MAF: variants seen among roughly 807,000 people sequenced by gnomAD.
MAF encodes transcription factor Maf.
MAF carries 10 observed loss-of-function variants against 22.0 expected under a neutral mutation model. The observed-to-expected ratio is 0.45, with a 90% CI of 0.28 to 0.77. The LOEUF (loss-of-function observed/expected upper bound fraction) is 0.77. MAF is among the 30% of genes least tolerant of loss of function. The pLI is 0.12. For missense variants in MAF, 544 were observed against 548.4 expected (o/e 0.99, Z 0.08); for synonymous variants, 337 against 255.8 (o/e 1.32, Z -3.03).
Position 79,599,502 on chromosome 16 carries a change from C to A in MAF, c.401G>T (p.Gly134Val). 1.3e-6 allele frequency: 2 copies of A among 1,509,270 alleles called. No individual in the cohort carries two copies. The highest frequency in any genetic ancestry group is 1.8e-6 in the Non-Finnish European group (2 of 1,131,926). 93.5% of individuals were successfully genotyped at this position (1,509,270 alleles called of 1,614,324 possible). ...LQGGFDGYAR[G>V]AQQLAAAAGA... ...GGCCGCCGCGGCCAGCTGCTGCGCC[C>A]CGCGCGCGTAGCCATCGAAGCCGCC... Residue 134 changes from glycine (G) to valine (V), a missense_variant, in exon 1 of 2, where the codon GGG becomes GTG. Physicochemically the swap from Gly to Val is moderately radical, Grantham distance 109. Coordinates refer to ENST00000326043, the MANE Select transcript of MAF (RefSeq NM_005360.5).
At chr16:79,598,264 T>TAA (rs35383470) in intron 1 of MAF, 596 of 947,326 alleles carry the variant, frequency 6.3e-4, no homozygotes, top group East Asian at 5.2e-3. Flanking sequence ...AAAGTAAAAT[T>TAA]AAAAAAAAAA....
intron 1 of MAF, chr16:79,598,048 C>CT: frequency 1.9e-6 from 2 of 1,030,640 alleles, no homozygotes; most frequent in Non-Finnish European, 1.2e-6. Context: ...CATAACAATG[C>CT]TAAAAAAAAA....
chr16:79,211,899 G>T, the MAF span: 10 of 1,560,028 alleles, frequency 6.4e-6, no homozygotes, highest in South Asian at 2.3e-5. Flanking sequence ...ACACAGATCC[G>T]CAAGAGTAAA....
At chr16:79,354,551 G>C in the MAF span, among the ~76,000 whole-genome samples, 2 of 152,152 alleles carry the variant, frequency 1.3e-5, no homozygotes, top group African/African-American at 2.4e-5. Context: ...AGACTCAAGA[G>C]AGAAGTAGAG....
chr16:79,554,083 C>T, the MAF span, among the ~76,000 whole-genome samples: 1 of 148,672 alleles, frequency 6.7e-6, no homozygotes, highest in Non-Finnish European at 1.5e-5. Context: ...AGTAAGACTG[C>T]CTCTCAAAAA....
chr16:79,399,926 T>G, the MAF span, among the ~76,000 whole-genome samples: 1 of 152,218 alleles, frequency 6.6e-6, no homozygotes, highest in Non-Finnish European at 1.5e-5. Flanking sequence ...GAAGCTCACG[T>G]GGGTTAGTAC....
the MAF span, among the ~76,000 whole-genome samples, chr16:79,520,872 C>T: frequency 6.6e-6 from 1 of 152,084 alleles, no homozygotes; most frequent in Non-Finnish European, 1.5e-5. Flanking sequence ...TGCCTGGGAC[C>T]CTGCTAAGTG....
chr16:79,414,630 A>T, the MAF span, among the ~76,000 whole-genome samples: 2 of 152,206 alleles, frequency 1.3e-5, no homozygotes, highest in African/African-American at 2.4e-5. Flanking sequence ...ACAGACACGG[A>T]CTAGTGCTCA....
chr16:79,314,517 C>T, the MAF span, among the ~76,000 whole-genome samples: 1 of 152,124 alleles, frequency 6.6e-6, no homozygotes, highest in African/African-American at 2.4e-5. Flanking sequence ...AGGAGGTCAC[C>T]GAGGCAGACA....
the MAF span, among the ~76,000 whole-genome samples, chr16:79,486,402 C>T: frequency 6.6e-6 from 1 of 152,090 alleles, no homozygotes; most frequent in Admixed American, 6.5e-5. Flanking sequence ...ATTTTTAACT[C>T]TTAGGACAAT....
chr16:79,471,919 A>T, the MAF span, among the ~76,000 whole-genome samples: 17 of 152,202 alleles, frequency 1.1e-4, no homozygotes, highest in Admixed American at 3.9e-4. Flanking sequence ...AACTTTGGGG[A>T]AAATGGCCTT....
At chr16:79,445,765 T>C in the MAF span, among the ~76,000 whole-genome samples, 1 of 152,242 alleles carries the variant, frequency 6.6e-6, no homozygotes, top group African/African-American at 2.4e-5. Flanking sequence ...AGTTCTGAAA[T>C]ATTCCAATTC....
At chr16:79,285,799 C>A in the MAF span, among the ~76,000 whole-genome samples, 1 of 152,178 alleles carries the variant, frequency 6.6e-6, no homozygotes, top group African/African-American at 2.4e-5. Context: ...ACGTGACCAG[C>A]GCACACTGAG....
the MAF span, among the ~76,000 whole-genome samples, chr16:79,426,700 A>T: frequency 6.6e-6 from 1 of 152,194 alleles, no homozygotes; most frequent in African/African-American, 2.4e-5. Context: ...GGTCACAGAG[A>T]TTGATTCACA....
the MAF span, among the ~76,000 whole-genome samples, chr16:79,313,718 C>A: frequency 6.6e-6 from 1 of 152,132 alleles, no homozygotes; most frequent in Non-Finnish European, 1.5e-5. Context: ...AAGCCCCAGT[C>A]TCAGGAGGCT....
chr16:79,205,705 G>C, the MAF span: 1 of 151,672 alleles, frequency 6.6e-6, no homozygotes. Context: ...ATACCTACAG[G>C]AAGTATTTGC....
the MAF span, among the ~76,000 whole-genome samples, chr16:79,517,998 G>T: frequency 6.6e-6 from 1 of 152,198 alleles, no homozygotes; most frequent in South Asian, 2.1e-4. Context: ...AACAGTAGTT[G>T]CTTTTCCTCG....
chr16:79,396,577 T>A, the MAF span, among the ~76,000 whole-genome samples: 3 of 152,234 alleles, frequency 2.0e-5, no homozygotes, highest in African/African-American at 7.2e-5. Context: ...ATTCCCAACT[T>A]GATGGGTATC....
At chr16:79,581,419 G>C (rs1299669670), downstream of MAF, among the ~76,000 whole-genome samples, 2 of 152,142 alleles carry the variant, frequency 1.3e-5, no homozygotes, top group African/African-American at 4.8e-5. Context: ...GTCAACCCTG[G>C]CGTTAGAATC....
Sources: gnomAD v4.1 joint callset for allele counts (sites outside exome capture counted in the v4.1 genomes callset) on GRCh38, gnomAD v4.1.1 for gene constraint, MANE v1.5 for transcripts, NCBI Gene and HGNC (gene_info 2026-07-23, HGNC 2026-07-21) for gene names.